The following PRKN variants were observed in gnomAD, a reference collection of about 807,000 sequenced individuals.
PRKN encodes the protein E3 ubiquitin-protein ligase parkin.
In PRKN, 56 loss-of-function variants were observed where a neutral mutation model predicts 59.5. The observed-to-expected ratio is 0.94, with a 90% CI of 0.76 to 1.18. The LOEUF is 1.18. Among genes scored for constraint, PRKN ranks in the 50% most tolerant of loss-of-function variants. PRKN has a pLI of 0.00. For missense variants in PRKN, 657 were observed against 596.4 expected, an observed-to-expected ratio of 1.10 and a Z score of -1.06; for synonymous variants, 250 against 222.1, an observed-to-expected ratio of 1.13 and a Z score of -1.12.
chr6:162,637,152 G>A (rs1182452452), intron 1 of PRKN, among the ~76,000 whole-genome samples: 1 of 152,046 alleles, frequency 6.6e-6, no homozygotes, highest in Middle Eastern at 3.4e-3. Context: ...AGCTACTCGG[G>A]AGGCTGAGGC....
At chr6:162,113,097 C>G (rs1030774560) in intron 4 of PRKN, among the ~76,000 whole-genome samples, 23 of 152,152 alleles carry the variant, frequency 1.5e-4, no homozygotes, top group African/African-American at 5.3e-4. Flanking sequence ...AAATTGTGGA[C>G]AAATGATCTG....
intron 4 of PRKN, among the ~76,000 whole-genome samples, chr6:162,172,130 G>C (rs1378788896): frequency 2.0e-5 from 3 of 152,228 alleles, no homozygotes; most frequent in Non-Finnish European, 4.4e-5. Context: ...TGATAGAACT[G>C]AGTGCTGAGC....
intron 7 of PRKN, among the ~76,000 whole-genome samples, chr6:161,678,621 G>C: frequency 7.3e-6 from 1 of 137,892 alleles, no homozygotes; most frequent in East Asian, 2.1e-4. Context: ...ACCCAGACTG[G>C]AGTGCAGCAG....
chr6:162,453,763 C>T (rs1436503766), intron 1 of PRKN, among the ~76,000 whole-genome samples: 1 of 152,144 alleles, frequency 6.6e-6, no homozygotes, highest in East Asian at 1.9e-4. Context: ...ATTAGCTGGG[C>T]GTGGTGGCGC....
At chr6:161,708,680 T>C (rs372804124) in intron 7 of PRKN, among the ~76,000 whole-genome samples, 2 of 152,332 alleles carry the variant, frequency 1.3e-5, no homozygotes, top group East Asian at 1.9e-4. Context: ...TGCCCTAGAT[T>C]ATCTCATATA....
chr6:162,307,071 C>A (rs1782263699), intron 2 of PRKN, among the ~76,000 whole-genome samples: 2 of 152,144 alleles, frequency 1.3e-5, no homozygotes, highest in South Asian at 2.1e-4. Context: ...CTCCTGAGGA[C>A]ATTGTGAGAC....
intron 2 of PRKN, among the ~76,000 whole-genome samples, chr6:162,327,777 T>C (rs1293796815): frequency 6.6e-6 from 1 of 152,192 alleles, no homozygotes; most frequent in Non-Finnish European, 1.5e-5. Context: ...CAGACCGTTA[T>C]GATTTTTGGA....
chr6:162,222,823 C>T (rs1298326421), intron 3 of PRKN, among the ~76,000 whole-genome samples: 1 of 152,046 alleles, frequency 6.6e-6, no homozygotes, highest in African/African-American at 2.4e-5. Context: ...TTTACTTCAC[C>T]TCACTGTTAG....
At chr6:162,459,062 C>T (rs2128173468) in intron 1 of PRKN, among the ~76,000 whole-genome samples, 1 of 152,260 alleles carries the variant, frequency 6.6e-6, no homozygotes. Flanking sequence ...CCAGGTGATC[C>T]ACCCTCCTTG....
Position 161,354,695 on chromosome 6 carries a change from C to T in PRKN, c.1286-4484G>A, listed in dbSNP as rs1784685401. Among the ~76,000 whole-genome samples the T allele has an allele frequency of 6.6e-6, 1 of 152,158 alleles. No homozygotes were observed. Among genetic ancestry groups the T allele is most frequent in the African/African-American group, 2.4e-5 (1 of 41,426 alleles). On this transcript the variant is annotated intron_variant, in intron 11 of 11. Coordinates refer to ENST00000366898, the MANE Select transcript of PRKN (RefSeq NM_004562.3). This position sits in a 1 kb window ranked among gnomAD's most constrained non-coding sequence, Gnocchi z 6.7. ...GCTGAGTATGTAACAGGCCACGAAC[C>T]TTGGTGACAACCAGGTAACATCCTT...
intron 9 of PRKN, among the ~76,000 whole-genome samples, chr6:161,416,633 C>T (rs1254083061): frequency 6.6e-6 from 1 of 152,102 alleles, no homozygotes; most frequent in Non-Finnish European, 1.5e-5. Context: ...GCTGCTGCCT[C>T]GCAGGAGACA....
intron 4 of PRKN, among the ~76,000 whole-genome samples, chr6:162,130,187 C>T (rs1206924425): frequency 6.6e-6 from 1 of 152,118 alleles, no homozygotes; most frequent in African/African-American, 2.4e-5. Context: ...CACTGCCCCA[C>T]AAACACCTTT....
intron 9 of PRKN, among the ~76,000 whole-genome samples, chr6:161,432,033 T>C (rs1221042181): frequency 6.6e-6 from 1 of 152,238 alleles, no homozygotes; most frequent in East Asian, 1.9e-4. Context: ...TATTCACAGA[T>C]GCCAAACACT....
At chr6:161,860,383 AG>A (rs1358844274) in intron 6 of PRKN, among the ~76,000 whole-genome samples, 1 of 152,206 alleles carries the variant, frequency 6.6e-6, no homozygotes, top group Non-Finnish European at 1.5e-5. Context: ...TGTAGAGACT[AG>A]GACACTTGGT....
At chr6:162,418,649 T>TGTGTGTGC (rs71004090) in intron 2 of PRKN, among the ~76,000 whole-genome samples, 1 of 146,996 alleles carries the variant, frequency 6.8e-6, no homozygotes, top group South Asian at 2.2e-4. Flanking sequence ...TGTGTGTGTG[T>TGTGTGTGC]ATGCGTGTGT....
At chr6:162,368,787 T>C (rs772006380) in intron 2 of PRKN, among the ~76,000 whole-genome samples, 2 of 152,222 alleles carry the variant, frequency 1.3e-5, no homozygotes, top group Non-Finnish European at 2.9e-5. Context: ...TTTTCTCTAA[T>C]TGATATAGCA....
At chr6:162,132,195 A>C (rs563988807) in intron 4 of PRKN, among the ~76,000 whole-genome samples, 1 of 152,282 alleles carries the variant, frequency 6.6e-6, no homozygotes, top group African/African-American at 2.4e-5. Flanking sequence ...GACTGATGTG[A>C]AACTTTGGGA....
intron 6 of PRKN, among the ~76,000 whole-genome samples, chr6:161,794,488 C>A (rs1352470785): frequency 6.6e-6 from 1 of 152,158 alleles, no homozygotes; most frequent in Non-Finnish European, 1.5e-5. Context: ...CTCACCCCAG[C>A]AACACTGTTC....
In PRKN at chr6:162,253,763, T is replaced by C. The variant is rs1449751533; in HGVS notation, c.412+8762A>G. Among the ~76,000 whole-genome samples, 4 of 136,974 alleles carry C rather than the reference T, an allele frequency of 2.9e-5. 1 individual carries two copies. The highest frequency in any genetic ancestry group is 1.2e-4 in the African/African-American group (4 of 33,754). 89.9% of individuals were successfully genotyped at this position (136,974 alleles called of 152,430 possible). A position where few individuals can be genotyped will look rare whatever the true frequency, so the allele number is the denominator to read the frequency against. On this transcript the variant is annotated intron_variant, in intron 3 of 11. Transcript: ENST00000366898. ...AAAATATTAAATGAGTCAACTATTA[T>C]TAAAAAAGAGGCAACTTCATATCCA... is the stretch of plus-strand genomic sequence containing the variant.
Sources: allele counts gnomAD v4.1 joint callset (sites outside exome capture counted in the v4.1 genomes callset), GRCh38; gene constraint gnomAD v4.1.1; non-coding constraint Gnocchi (gnomAD v3.1); transcripts MANE v1.5; gene names NCBI Gene and HGNC (gene_info 2026-07-23, HGNC 2026-07-21).